Variants in EYA4 observed in about 807,000 individuals in gnomAD.
The protein encoded by EYA4 is protein phosphatase EYA4.
In EYA4, 31 loss-of-function variants were observed where a neutral mutation model predicts 87.9. That is an observed-to-expected ratio of 0.35 (90% CI 0.27 to 0.48). The LOEUF is 0.48. EYA4 is among the 20% of genes least tolerant of loss of function. The pLI, the probability that EYA4 is intolerant of heterozygous loss-of-function variation, is 0.99. For synonymous variants in EYA4, 263 were observed against 270.6 expected, an observed-to-expected ratio of 0.97 and a Z score of 0.28; for missense variants, 678 against 761.4, an observed-to-expected ratio of 0.89 and a Z score of 1.29.
intron 1 of EYA4, among the ~76,000 whole-genome samples, chr6:133,259,192 G>T (rs1299748871): frequency 6.6e-6 from 1 of 152,074 alleles, no homozygotes; most frequent in Admixed American, 6.5e-5. Flanking sequence ...GGGAAACAAA[G>T]ATTTTTTTTT....
At chr6:133,343,904 T>C (rs1783005242) in intron 2 of EYA4, among the ~76,000 whole-genome samples, 1 of 152,146 alleles carries the variant, frequency 6.6e-6, no homozygotes, top group Admixed American at 6.5e-5. Flanking sequence ...TTATGATATA[T>C]ACAAAGTTTT....
intron 1 of EYA4, among the ~76,000 whole-genome samples, chr6:133,254,178 A>G (rs1775152765): frequency 6.6e-6 from 1 of 152,162 alleles, no homozygotes; most frequent in African/African-American, 2.4e-5. Context: ...TAAAAGACAG[A>G]TTTCTCGTTG....
At position 133,408,002 on chromosome 6, in the gene EYA4, G is replaced by C. The variant is rs1788876542; in HGVS notation, c.83+25561G>C. ...TACATTAAGAGCTGAACATGAAAAA[G>C]GGATTAGGCAAAGCTTTAACTTTTT... On this transcript the variant is annotated intron_variant, in intron 3 of 19. Transcript: ENST00000355286. Among the ~76,000 whole-genome samples the C allele has an allele frequency of 3.3e-5, 5 of 152,264 alleles. No homozygotes were observed. The South Asian group carries it at 1.0e-3, about 32-fold the overall frequency.
At chr6:133,296,577 T>C (rs1033682491) in intron 2 of EYA4, among the ~76,000 whole-genome samples, 1 of 152,080 alleles carries the variant, frequency 6.6e-6, no homozygotes, top group African/African-American at 2.4e-5. Flanking sequence ...ATGTGGGGTC[T>C]GAGGAAAAGG....
intron 3 of EYA4, among the ~76,000 whole-genome samples, chr6:133,403,182 A>G (rs1340116564): frequency 6.6e-6 from 1 of 152,226 alleles, no homozygotes; most frequent in East Asian, 1.9e-4. Context: ...AAAAATTAAA[A>G]TGTGATTACA....
intron 2 of EYA4, among the ~76,000 whole-genome samples, chr6:133,295,614 A>G (rs758966729): frequency 3.0e-4 from 46 of 152,368 alleles, no homozygotes; most frequent in Non-Finnish European, 5.9e-4. Flanking sequence ...TGCAAAAATG[A>G]CAAGTATAAT....
intron 11 of EYA4, among the ~76,000 whole-genome samples, chr6:133,480,609 C>G (rs1796121696): frequency 6.6e-6 from 1 of 152,092 alleles, no homozygotes; most frequent in African/African-American, 2.4e-5. Context: ...ATATTGATTA[C>G]ATACGGATAT....
rs766182495 is a variant in EYA4 at position 133,456,562 on chromosome 6, T to C, written c.284T>C (p.Leu95Pro). The change falls in exon 6 of 20, where the codon CTT becomes CCT. Residue 95 changes from leucine to proline, a missense_variant. Coordinates refer to ENST00000355286, the MANE Select transcript of EYA4 (RefSeq NM_004100.5). ...TACTTATTCTTCTACGTAGTGTCTC[T>C]TCTTGCAGTCAAAACAGAGCCCTTG... is the stretch of plus-strand genomic sequence containing the variant. ...CNTPSSATMS[L>P]LAVKTEPLNS... 13 of 1,610,144 alleles carry C rather than the reference T, an allele frequency of 8.1e-6. 1 individual carries two copies. The South Asian group carries it at 1.2e-4, about 15-fold the overall frequency.
chr6:133,377,072 C>A (rs549966985), intron 2 of EYA4, among the ~76,000 whole-genome samples: 22 of 151,956 alleles, frequency 1.4e-4, no homozygotes, highest in Admixed American at 1.4e-3. Flanking sequence ...TTACTTATTT[C>A]TTGTATGTCT....
chr6:133,439,882 T>G (rs1235081582), intron 3 of EYA4, among the ~76,000 whole-genome samples: 1 of 152,202 alleles, frequency 6.6e-6, no homozygotes, highest in Non-Finnish European at 1.5e-5. Flanking sequence ...GGTACTCTAA[T>G]AAGTTAAGAT....
intron 2 of EYA4, among the ~76,000 whole-genome samples, chr6:133,323,158 G>A (rs62428661): frequency 0.44 from 66,546 of 151,500 alleles, 15,295 homozygotes; most frequent in Non-Finnish European, 0.53. Flanking sequence ...TTTTTTATTC[G>A]TTAGCATATT....
intron 11 of EYA4, among the ~76,000 whole-genome samples, chr6:133,473,349 C>A (rs553161257): frequency 1.3e-3 from 192 of 152,074 alleles, no homozygotes; most frequent in African/African-American, 4.5e-3. Context: ...TCTTTGCCCA[C>A]CTTTGGCTTT....
chr6:133,314,207 T>A (rs1028907100), intron 2 of EYA4, among the ~76,000 whole-genome samples: 2 of 152,108 alleles, frequency 1.3e-5, no homozygotes, highest in African/African-American at 4.8e-5. Context: ...AGGAAAAAAA[T>A]ATAGATGAGA....
intron 3 of EYA4, among the ~76,000 whole-genome samples, chr6:133,405,786 G>T (rs1194586618): frequency 6.6e-6 from 1 of 152,054 alleles, no homozygotes. Flanking sequence ...GAGAATGAAT[G>T]GGGGGAAGGG....
chr6:133,426,887 T>C (rs1790719417), intron 3 of EYA4, among the ~76,000 whole-genome samples: 1 of 152,230 alleles, frequency 6.6e-6, no homozygotes, highest in Non-Finnish European at 1.5e-5. Context: ...ATATCACATC[T>C]CCTTGGAACT....
chr6:133,448,026 A>T (rs1469965738), intron 4 of EYA4, 85 bp from the exon 5 acceptor site: 15 of 1,079,110 alleles, frequency 1.4e-5, no homozygotes, highest in Non-Finnish European at 2.0e-5. Context: ...CTAAAAGGTC[A>T]GAAACCAGTG....
At chr6:133,426,660 A>G (rs1790699217) in intron 3 of EYA4, among the ~76,000 whole-genome samples, 1 of 152,176 alleles carries the variant, frequency 6.6e-6, no homozygotes. Flanking sequence ...TTTCTATTGT[A>G]TAACACAGTC....
chr6:133,497,645 A>G (rs1387314494), intron 13 of EYA4, among the ~76,000 whole-genome samples: 2 of 152,202 alleles, frequency 1.3e-5, no homozygotes, highest in Non-Finnish European at 2.9e-5. Flanking sequence ...CCATCACGTT[A>G]GAGTTTATTT....
intron 2 of EYA4, among the ~76,000 whole-genome samples, chr6:133,369,305 T>A (rs1182576269): frequency 6.6e-6 from 1 of 152,132 alleles, no homozygotes; most frequent in Non-Finnish European, 1.5e-5. Flanking sequence ...ATTATCCTTA[T>A]CTCTTGAATT....
Sources: gnomAD v4.1 joint callset for allele counts (sites outside exome capture counted in the v4.1 genomes callset) on GRCh38, gnomAD v4.1.1 for gene constraint, MANE v1.5 for transcripts, NCBI Gene and HGNC (gene_info 2026-07-23, HGNC 2026-07-21) for gene names.